GREB1: variants seen among roughly 807,000 people sequenced by gnomAD.
GREB1 encodes growth regulating estrogen receptor binding 1.
In GREB1, 106 loss-of-function variants were observed where a neutral mutation model predicts 200.7. That is an observed-to-expected ratio of 0.53 (90% CI 0.45 to 0.62). The LOEUF (loss-of-function observed/expected upper bound fraction) is 0.62, where lower values mean the gene tolerates loss of function less well. Ranked by LOEUF, GREB1 falls within the 20% of genes least tolerant of loss-of-function variation. GREB1 has a pLI of 0.00. For synonymous variants in GREB1, 1,132 were observed against 1,092.4 expected, an observed-to-expected ratio of 1.04 and a Z score of -0.72; for missense variants, 2,243 against 2,556.8, an observed-to-expected ratio of 0.88 and a Z score of 2.65.
intron 7 of GREB1, 96 bp from the exon 8 acceptor site, chr2:11,585,061 AAAAC>A (rs1679937671): frequency 5.5e-5 from 32 of 584,670 alleles, no homozygotes; most frequent in Middle Eastern, 2.7e-4. Flanking sequence ...TAGAAAAAAA[AAAAC>A]AAAACAAAAC....
At chr2:11,587,594 GC>G in intron 9 of GREB1, 1 of 1,479,126 alleles carries the variant, frequency 6.8e-7, no homozygotes, top group East Asian at 2.5e-5. Flanking sequence ...CCAGGCACCA[GC>G]TTTACTCCCC....
chr2:11,635,256 C>T lies in GREB1; in HGVS notation c.5211-14C>T. 6.2e-7 allele frequency: 1 copy of T among 1,614,080 alleles called. No individual in the cohort carries two copies. Among genetic ancestry groups the T allele is most frequent in the Non-Finnish European group, 8.5e-7 (1 of 1,179,974 alleles). ...GTGCCCCATCAGACCCACCCCTCCT[C>T]TGGCCCTGAGTAGGTTCCTGTGTGA... On this transcript the variant is annotated splice_polypyrimidine_tract_variant and intron_variant, in intron 29 of 32. Coordinates refer to ENST00000381486, the MANE Select transcript of GREB1 (RefSeq NM_014668.4).
intron 1 of GREB1, among the ~76,000 whole-genome samples, chr2:11,510,051 A>G (rs1198449573): frequency 6.6e-6 from 1 of 152,170 alleles, no homozygotes; most frequent in Admixed American, 6.6e-5. Flanking sequence ...CTTTTGGTTT[A>G]TAACAGTTTT....
At chr2:11,512,569 G>A (rs1673381190) in intron 1 of GREB1, among the ~76,000 whole-genome samples, 1 of 152,226 alleles carries the variant, frequency 6.6e-6, no homozygotes, top group Non-Finnish European at 1.5e-5. Context: ...ACCAAGGATT[G>A]TTGAAGATTA....
At chr2:11,494,385 TC>T (rs1453589161) in intron 1 of GREB1, among the ~76,000 whole-genome samples, 2 of 152,350 alleles carry the variant, frequency 1.3e-5, no homozygotes, top group Non-Finnish European at 2.9e-5. Flanking sequence ...CATTCTTGGG[TC>T]CCCAGACCCT....
At chr2:11,607,597 T>TATATACATATAGATAC in intron 17 of GREB1, among the ~76,000 whole-genome samples, 1 of 61,648 alleles carries the variant, frequency 1.6e-5, no homozygotes, top group Non-Finnish European at 3.3e-5. Flanking sequence ...TATATACATA[T>TATATACATATAGATAC]ATATACATAT....
chr2:11,512,036 C>A (rs367820306), intron 1 of GREB1, among the ~76,000 whole-genome samples: 1 of 152,128 alleles, frequency 6.6e-6, no homozygotes, highest in South Asian at 2.1e-4. Context: ...TAGCCTGTAG[C>A]GAGTGGAATT....
At chr2:11,497,695 G>A (rs1244366784) in intron 1 of GREB1, among the ~76,000 whole-genome samples, 2 of 152,068 alleles carry the variant, frequency 1.3e-5, no homozygotes, top group Non-Finnish European at 2.9e-5. Context: ...TCATATTGTG[G>A]TTTTAATTTG....
In GREB1 at chr2:11,492,413, G is replaced by A. The variant is rs1303811319; in HGVS notation, c.-159+10032G>A. Among the ~76,000 whole-genome samples the A allele has an allele frequency of 6.6e-6, 1 of 152,224 alleles. No homozygotes were observed. Among genetic ancestry groups the A allele is most frequent in the Non-Finnish European group, 1.5e-5 (1 of 68,048 alleles). On this transcript the variant is annotated intron_variant, in intron 1 of 2. Coordinates refer to the GREB1 transcript ENST00000628795. The surrounding 1 kb of genome is among the most constrained non-coding windows in gnomAD (Gnocchi z 4.0). ...GAGTCAGCTGTACTCCTGGCCATGT[G>A]TACAGAATTTCCGCAAAAGGAGGAC...
At chr2:11,562,637 G>T in intron 3 of GREB1, 55 bp downstream of exon 3, 1 of 1,514,124 alleles carries the variant, frequency 6.6e-7, no homozygotes, top group South Asian at 1.3e-5. Flanking sequence ...CCCGGAGGCA[G>T]TGGCCAGGCG....
intron 7 of GREB1, chr2:11,584,644 C>G (rs1192763599): frequency 1.3e-5 from 2 of 152,392 alleles, no homozygotes; most frequent in Non-Finnish European, 2.9e-5. Context: ...ACTCTACATA[C>G]ATTCTCTTTA....
Position 11,637,751 on chromosome 2 carries a change from G to A in GREB1, c.5382G>A (p.Gln1794=), listed in dbSNP as rs769608215. The A allele has an allele frequency of 6.2e-6, 10 of 1,613,738 alleles. No individual in the cohort carries two copies. In the Admixed American group the frequency reaches 1.3e-4, roughly 22 times the overall value. ...SDNSAAVVPA[Q]YICAPDSKHT... The stretch of plus-strand genomic sequence containing the variant: ...ACTCTGCCGCGGTCGTGCCGGCCCA[G>A]TACATCTGTGCCCCGGACAGCAAGC... The change falls in exon 31 of 33, where the codon CAG becomes CAA. Residue 1794 remains glutamine (Q), a synonymous_variant. Transcript: ENST00000381486.
At chr2:11,608,109 G>A (rs1487488297) in intron 17 of GREB1, among the ~76,000 whole-genome samples, 3 of 152,264 alleles carry the variant, frequency 2.0e-5, no homozygotes, top group Non-Finnish European at 2.9e-5. Flanking sequence ...CCTGAGTTGG[G>A]TTTCCATACC....
At position 11,518,823 on chromosome 2, in the gene GREB1, G is replaced by A. The variant is rs73187482; in HGVS notation, c.-159+36442G>A. 5.9e-3 allele frequency among the ~76,000 whole-genome samples: 892 copies of A among 151,150 alleles called. 10 individuals carry two copies. Among genetic ancestry groups the A allele is most frequent in the African/African-American group, 0.021 (864 of 40,574 alleles). On this transcript the variant is annotated intron_variant, in intron 1 of 2. Coordinates refer to the GREB1 transcript ENST00000628795. ...TTTTTAAATGAAAAAATCCCGCCAG[G>A]CGAGGTGGCTCACTTCTGTAATCCC...
intron 7 of GREB1, among the ~76,000 whole-genome samples, chr2:11,582,256 T>C (rs1679569763): frequency 6.6e-6 from 1 of 152,204 alleles, no homozygotes; most frequent in Non-Finnish European, 1.5e-5. Flanking sequence ...GCCTTCTGTG[T>C]GGGACTGACT....
intron 30 of GREB1, among the ~76,000 whole-genome samples, chr2:11,636,549 C>A (rs12987096): frequency 0.23 from 35,593 of 152,140 alleles, 4,556 homozygotes; most frequent in East Asian, 0.39. Context: ...TCAGGAGTAC[C>A]CAGCCCAGCA....
intron 4 of GREB1, among the ~76,000 whole-genome samples, chr2:11,572,362 G>A (rs1217012648): frequency 6.6e-6 from 1 of 152,160 alleles, no homozygotes; most frequent in East Asian, 1.9e-4. Flanking sequence ...AGGTTTTGTG[G>A]GAGGACTCCT....
At chr2:11,569,840 G>A (rs73915433) in intron 4 of GREB1, among the ~76,000 whole-genome samples, 2,153 of 152,224 alleles carry the variant, frequency 0.014, 57 homozygotes, top group African/African-American at 0.048. Flanking sequence ...GAGAGGTGGC[G>A]AGAGTGCTCT....
At chr2:11,555,558 T>G (rs1486090691) in intron 1 of GREB1, among the ~76,000 whole-genome samples, 1 of 152,200 alleles carries the variant, frequency 6.6e-6, no homozygotes, top group Non-Finnish European at 1.5e-5. Context: ...TGAGTGGGAA[T>G]GAAGTATTGA....
Sources: allele counts gnomAD v4.1 joint callset (sites outside exome capture counted in the v4.1 genomes callset), GRCh38; gene constraint gnomAD v4.1.1; non-coding constraint Gnocchi (gnomAD v3.1); transcripts MANE v1.5; gene names NCBI Gene and HGNC (gene_info 2026-07-23, HGNC 2026-07-21).